BRI3BP: variants seen among roughly 807,000 people sequenced by gnomAD.
BRI3BP encodes BRI3 binding protein.
Under a neutral mutation model 15.8 loss-of-function variants are expected in BRI3BP, and 7 were observed. The observed-to-expected ratio is 0.44, with a 90% CI of 0.25 to 0.83. The LOEUF (loss-of-function observed/expected upper bound fraction) is 0.83. Ranked by LOEUF, BRI3BP falls within the 40% of genes least tolerant of loss-of-function variation. The pLI is 0.20. For missense variants in BRI3BP, 320 were observed against 339.3 expected (o/e 0.94, Z 0.45); for synonymous variants, 192 against 163.5 (o/e 1.17, Z -1.33).
rs1026851522 is a variant in BRI3BP at position 124,999,652 on chromosome 12, C to T, written c.213+5649C>T. On this transcript the variant is annotated intron_variant, in intron 1 of 2. Coordinates refer to ENST00000341446, the MANE Select transcript of BRI3BP (RefSeq NM_080626.6). ...ATTTTTCTTGAGACGGAGTCTCCCT[C>T]TGTCGCCCAGGCTGGAGTGCAGTGG... Among the ~76,000 whole-genome samples the T allele has an allele frequency of 4.0e-5, 6 of 150,392 alleles. 1 individual carries two copies. The highest frequency in any genetic ancestry group is 8.9e-5 in the Non-Finnish European group (6 of 67,642).
At chr12:125,037,358 A>G in the BRI3BP span, among the ~76,000 whole-genome samples, 1 of 151,410 alleles carries the variant, frequency 6.6e-6, no homozygotes, top group African/African-American at 2.4e-5. Context: ...ACGCCCTGCC[A>G]AAAAGGCTTT....
chr12:125,039,470 C>T, the BRI3BP span, among the ~76,000 whole-genome samples: 8 of 152,182 alleles, frequency 5.3e-5, no homozygotes, highest in Admixed American at 5.2e-4. Flanking sequence ...GGAGCTCGTA[C>T]CAGGCAGGGT....
chr12:125,044,339 C>T, the BRI3BP span, among the ~76,000 whole-genome samples: 12 of 151,718 alleles, frequency 7.9e-5, no homozygotes, highest in African/African-American at 1.9e-4. Context: ...TTAGTAGAGA[C>T]GGGGTTTCAC....
In BRI3BP at chr12:125,025,102, T is replaced by C. The variant is rs1255652639; in HGVS notation, c.428T>C (p.Leu143Pro). Reference protein sequence around the residue: ...LLAYWFLSLTLGFTFSVLHVV... With the variant: ...LLAYWFLSLTPGFTFSVLHVV... ...GCCTACTGGTTCTTGTCCCTGACCC[T>C]GGGCTTCACTTTCAGCGTCCTGCAC... The change falls in exon 3 of 3, where the codon CTG becomes CCG. Residue 143 changes from leucine to proline, a missense_variant. By Grantham distance (98) the Leu-to-Pro change is moderately conservative. Transcript: ENST00000341446. The C allele has an allele frequency of 6.2e-7, 1 of 1,613,984 alleles. No individual in the cohort carries two copies. The highest frequency in any genetic ancestry group is 8.5e-7 in the Non-Finnish European group (1 of 1,180,030).
At chr12:125,011,757 G>A (rs1955198314) in intron 1 of BRI3BP, among the ~76,000 whole-genome samples, 1 of 152,062 alleles carries the variant, frequency 6.6e-6, no homozygotes, top group South Asian at 2.1e-4. Flanking sequence ...GCTGTACCTT[G>A]TATTCATGTT....
rs1955368191 is a variant in BRI3BP at position 125,027,714 on chromosome 12, G to A, written c.*2284G>A. On this transcript the variant is annotated 3_prime_UTR_variant, in exon 3 of 3. Coordinates refer to ENST00000341446, the MANE Select transcript of BRI3BP (RefSeq NM_080626.6). Reference sequence around the variant, plus strand: ...ATCGAATCTTTTTTTTTTTGAGATGGAGTCTCACTGTCAACCAGGCTGGAG... The same window carrying A: ...ATCGAATCTTTTTTTTTTTGAGATGAAGTCTCACTGTCAACCAGGCTGGAG... The A allele has an allele frequency of 6.6e-6, 1 of 151,760 alleles. No individual in the cohort carries two copies. The highest frequency in any genetic ancestry group is 6.6e-5 in the Admixed American group (1 of 15,236). The allele number at this position is 151,760 out of a possible 1,614,324, so 9.4% of individuals were successfully genotyped here.
At chr12:124,997,214 C>CTCTTTTTTTTTTTTTTTTTTTTTT (rs1335395514) in intron 1 of BRI3BP, among the ~76,000 whole-genome samples, 1 of 51,550 alleles carries the variant, frequency 1.9e-5, no homozygotes, top group Non-Finnish European at 3.2e-5. Flanking sequence ...CTTTACTTCT[C>CTCTTTTTTTTTTTTTTTTTTTTTT]TTTTTTTTTT....
chr12:125,008,554 C>T (rs1254919029), intron 1 of BRI3BP, among the ~76,000 whole-genome samples: 7 of 151,860 alleles, frequency 4.6e-5, no homozygotes, highest in Admixed American at 1.3e-4. Context: ...CCTTGTGATC[C>T]GCCCGCCTCG....
intron 2 of BRI3BP, among the ~76,000 whole-genome samples, chr12:125,024,200 GAGAA>G (rs1180635160): frequency 6.6e-6 from 1 of 152,098 alleles, no homozygotes; most frequent in South Asian, 2.1e-4. Context: ...GGCAGCAGGA[GAGAA>G]AGAGAGAGCA....
At chr12:125,038,255 CAA>C in the BRI3BP span, among the ~76,000 whole-genome samples, 103 of 116,548 alleles carry the variant, frequency 8.8e-4, no homozygotes, top group Admixed American at 1.1e-3. Flanking sequence ...CCAGCCATCT[CAA>C]AAAAAAAAAA....
intron 2 of BRI3BP, among the ~76,000 whole-genome samples, chr12:125,019,031 A>G (rs1325293602): frequency 6.6e-6 from 1 of 151,916 alleles, no homozygotes; most frequent in African/African-American, 2.4e-5. Context: ...GCTAATTTTT[A>G]TATTTCAGTA....
chr12:125,042,198 T>C, the BRI3BP span, among the ~76,000 whole-genome samples: 1 of 152,232 alleles, frequency 6.6e-6, no homozygotes, highest in African/African-American at 2.4e-5. Flanking sequence ...AGGTTTGTAA[T>C]GTAGGTAAAT....
chr12:125,046,371 T>C, the BRI3BP span, among the ~76,000 whole-genome samples: 1 of 152,094 alleles, frequency 6.6e-6, no homozygotes, highest in Non-Finnish European at 1.5e-5. Flanking sequence ...CTTGCCAATA[T>C]GGTGAAACCC....
chr12:125,007,428 A>G (rs1278087962), intron 1 of BRI3BP, among the ~76,000 whole-genome samples: 1 of 152,014 alleles, frequency 6.6e-6, no homozygotes, highest in Non-Finnish European at 1.5e-5. Flanking sequence ...ATGTGTCTGT[A>G]ATTCCAGTTA....
intron 1 of BRI3BP, among the ~76,000 whole-genome samples, chr12:125,000,699 C>T (rs968836068): frequency 2.6e-5 from 4 of 152,220 alleles, no homozygotes; most frequent in African/African-American, 9.7e-5. Context: ...AACATCTCCC[C>T]TAAAGTCACC....
chr12:125,017,224 A>G (rs1229090418), intron 2 of BRI3BP, among the ~76,000 whole-genome samples: 1 of 151,202 alleles, frequency 6.6e-6, no homozygotes, highest in South Asian at 2.1e-4. Flanking sequence ...GGGTTTCACC[A>G]TCTTGGCCAG....
rs1594529255 is a variant in BRI3BP at position 125,004,433 on chromosome 12, G to A, written c.214-8101G>A. Among the ~76,000 whole-genome samples the A allele has an allele frequency of 2.6e-5, 4 of 152,264 alleles. No individual in the cohort carries two copies. The East Asian group carries it at 5.8e-4, about 22-fold the overall frequency. The stretch of plus-strand genomic sequence containing the variant: ...GATCCTCTGGCCTTGGCCTCCCAAA[G>A]TGTTGGGATTACAGGCGTTAGCCAC... On this transcript the variant is annotated intron_variant, in intron 1 of 2. Transcript: ENST00000341446.
the BRI3BP span, among the ~76,000 whole-genome samples, chr12:125,046,122 G>C: frequency 4.7e-4 from 71 of 151,212 alleles, 2 homozygotes; most frequent in East Asian, 0.011. Context: ...CTGAGATCGC[G>C]CCATTGACTC....
intron 2 of BRI3BP, among the ~76,000 whole-genome samples, chr12:125,020,742 T>C: frequency 6.6e-6 from 1 of 151,992 alleles, no homozygotes; most frequent in East Asian, 1.9e-4. Flanking sequence ...AACATTAGCT[T>C]GGTGGTGCAT....
Sources: gnomAD v4.1 joint callset for allele counts (sites outside exome capture counted in the v4.1 genomes callset) on GRCh38, gnomAD v4.1.1 for gene constraint, MANE v1.5 for transcripts, NCBI Gene and HGNC (gene_info 2026-07-23, HGNC 2026-07-21) for gene names.